The following RALGAPA2 variants were observed in gnomAD, a reference collection of about 807,000 sequenced individuals.
RALGAPA2 encodes the protein Ral GTPase activating protein catalytic subunit alpha 2.
A neutral mutation model predicts 230.4 loss-of-function variants in RALGAPA2; 139 were observed. The observed-to-expected ratio is 0.60, with a 90% CI of 0.53 to 0.69. RALGAPA2 has a LOEUF of 0.69. Ranked by LOEUF, RALGAPA2 falls within the 30% of genes least tolerant of loss-of-function variation. The pLI is 0.00. For missense variants in RALGAPA2, 2,163 were observed against 2,276.0 expected (o/e 0.95, Z 1.01); for synonymous variants, 847 against 837.8 (o/e 1.01, Z -0.19).
intron 24 of RALGAPA2, 112 bp from the exon 25 acceptor site, chr20:20,536,896 GTTA>G (rs2063512873): frequency 8.0e-7 from 1 of 1,247,848 alleles, no homozygotes; most frequent in East Asian, 2.7e-5. Context: ...ACTTGGCCGA[GTTA>G]TTCTCTTCCA....
At chr20:20,463,132 T>C (rs908541559) in intron 37 of RALGAPA2, among the ~76,000 whole-genome samples, 1 of 151,976 alleles carries the variant, frequency 6.6e-6, no homozygotes, top group Admixed American at 6.6e-5. Flanking sequence ...ACCCTGACTT[T>C]TTTTTTTTTT....
chr20:20,536,601 C>T (rs1332156581), intron 25 of RALGAPA2, 55 bp downstream of exon 25: 3 of 1,565,442 alleles, frequency 1.9e-6, no homozygotes, highest in Non-Finnish European at 2.6e-6. Flanking sequence ...GATAATCATA[C>T]ATCTAGAATT....
In RALGAPA2 at chr20:20,411,149, C is replaced by T. The variant is rs76446581; in HGVS notation, c.5617+878G>A. 5.6e-3 allele frequency among the ~76,000 whole-genome samples: 851 copies of T among 152,262 alleles called. 3 individuals carry two copies. Among genetic ancestry groups the T allele is most frequent in the South Asian group, 0.024 (118 of 4,826 alleles). On this transcript the variant is annotated intron_variant, in intron 38 of 39. Coordinates refer to ENST00000202677, the MANE Select transcript of RALGAPA2 (RefSeq NM_020343.4). ...TGACACAGGTTAGAAATCTATTAAG[C>T]ACTCTAACAGTTTCATTTAAAGCAG...
rs80167569 is a variant in RALGAPA2, at chr20:20,468,655, C to G, written c.5495+4174G>C. On this transcript the variant is annotated intron_variant, in intron 37 of 39. Coordinates refer to ENST00000202677, the MANE Select transcript of RALGAPA2 (RefSeq NM_020343.4). ...TCCTGCTTTTCTGTGAAACCATTCT[C>G]TCCTATTCCCGTCTTTCTTTATCTC... Among the ~76,000 whole-genome samples, 546 of 151,384 alleles carry G rather than the reference C, an allele frequency of 3.6e-3. 4 individuals are homozygous for G. The highest frequency in any genetic ancestry group is 0.013 in the African/African-American group (531 of 41,058).
At chr20:20,399,891 G>T (rs145300371) in intron 38 of RALGAPA2, among the ~76,000 whole-genome samples, 54 of 152,366 alleles carry the variant, frequency 3.5e-4, no homozygotes, top group African/African-American at 1.1e-3. Context: ...AAGAAACGCT[G>T]CTGCCTGTCC....
chr20:20,679,919 T>C (rs192770898), intron 2 of RALGAPA2, among the ~76,000 whole-genome samples: 7 of 152,346 alleles, frequency 4.6e-5, no homozygotes, highest in African/African-American at 1.7e-4. Flanking sequence ...ATCTACTTCA[T>C]AGAGCTGTGG....
At chr20:20,619,538 TA>T (rs1387519931) in intron 11 of RALGAPA2, 124 bp from the exon 12 acceptor site, 1 of 782,312 alleles carries the variant, frequency 1.3e-6, no homozygotes. Flanking sequence ...TTTAATTCCT[TA>T]AACTCACCAG....
At chr20:20,538,355 G>A (rs891906983) in intron 24 of RALGAPA2, among the ~76,000 whole-genome samples, 14 of 152,152 alleles carry the variant, frequency 9.2e-5, no homozygotes, top group Admixed American at 6.5e-4. Flanking sequence ...GCAGGCTGGC[G>A]GTGGGTGAGG....
intron 29 of RALGAPA2, 113 bp from the exon 30 acceptor site, chr20:20,524,656 A>T (rs1370333429): frequency 7.2e-7 from 1 of 1,397,874 alleles, no homozygotes; most frequent in South Asian, 1.3e-5. Context: ...CAGGTGCTAG[A>T]TAAGTAGGTA....
At position 20,712,304 on chromosome 20, in the gene RALGAPA2, A is replaced by T; in HGVS notation, c.106+71T>A. The T allele has an allele frequency of 8.9e-7, 1 of 1,125,758 alleles. No individual in the cohort carries two copies. The highest frequency in any genetic ancestry group is 1.2e-6 in the Non-Finnish European group (1 of 832,312). 69.7% of individuals were successfully genotyped at this position (1,125,758 alleles called of 1,614,324 possible). ...CAGCCTCCCAGCCACCGACCCCTGC[A>T]CAGAGGAGCGCCCTCCCGGCAGGTG... On this transcript the variant is annotated intron_variant, in intron 1 of 39. Transcript: ENST00000202677. The surrounding 1 kb of genome is among the most constrained non-coding windows in gnomAD (Gnocchi z 5.5).
intron 23 of RALGAPA2, among the ~76,000 whole-genome samples, chr20:20,554,358 C>T (rs942687161): frequency 1.3e-5 from 2 of 152,132 alleles, no homozygotes; most frequent in African/African-American, 4.8e-5. Flanking sequence ...ATACTTAATT[C>T]CTTCAAATTA....
intron 23 of RALGAPA2, among the ~76,000 whole-genome samples, chr20:20,555,795 T>G (rs969255707): frequency 5.9e-5 from 9 of 152,206 alleles, no homozygotes; most frequent in Non-Finnish European, 1.0e-4. Context: ...GTAGGTTTCT[T>G]TTTTAAGTGT....
At chr20:20,427,973 C>T (rs1316730357) in intron 37 of RALGAPA2, among the ~76,000 whole-genome samples, 1 of 151,998 alleles carries the variant, frequency 6.6e-6, no homozygotes, top group Non-Finnish European at 1.5e-5. Context: ...AGAAGGAATT[C>T]AGGTTAAAAA....
intron 35 of RALGAPA2, among the ~76,000 whole-genome samples, chr20:20,497,377 G>A (rs919860924): frequency 1.3e-5 from 2 of 152,122 alleles, no homozygotes; most frequent in African/African-American, 2.4e-5. Context: ...GAGGAATTGA[G>A]ACCTGCAGAA....
rs536242646 is a variant in RALGAPA2 at position 20,623,842 on chromosome 20, TTTTATTTC to T, written c.1234-3220_1234-3213del. Among the ~76,000 whole-genome samples, 64 of 152,356 alleles carry T rather than the reference TTTTATTTC, an allele frequency of 4.2e-4. No individual in the cohort carries two copies. The South Asian group carries it at 6.2e-3, about 15-fold the overall frequency. Reference sequence around the variant, plus strand: ...TGCATTCGTCATCTATTTTGGTGTCTTTTATTTCTTTATTTCTTTAAATATGTTAAACC... The same window carrying T: ...TGCATTCGTCATCTATTTTGGTGTCTTTTATTTCTTTAAATATGTTAAACC... On this transcript the variant is annotated intron_variant, in intron 10 of 39. Coordinates refer to ENST00000202677, the MANE Select transcript of RALGAPA2 (RefSeq NM_020343.4).
rs1354525974 is a variant in RALGAPA2 at position 20,413,467 on chromosome 20, G to A, written c.5496-1319C>T. Among the ~76,000 whole-genome samples, 3 of 152,162 alleles carry A rather than the reference G, an allele frequency of 2.0e-5. No homozygotes were observed. In the East Asian group the frequency reaches 5.8e-4, roughly 29 times the overall value. ...AGGAGACCAGAGGCATTCTAGGGCT[G>A]TGCTATCCCATACAGTAGCCACAAG... On this transcript the variant is annotated intron_variant, in intron 37 of 39. Transcript: ENST00000202677.
intron 30 of RALGAPA2, among the ~76,000 whole-genome samples, chr20:20,522,681 A>T (rs969503448): frequency 6.6e-6 from 1 of 152,240 alleles, no homozygotes; most frequent in African/African-American, 2.4e-5. Context: ...TTTCACTTAC[A>T]GACTGATGCA....
At chr20:20,576,357 A>G (rs1602897266) in intron 20 of RALGAPA2, among the ~76,000 whole-genome samples, 1 of 152,106 alleles carries the variant, frequency 6.6e-6, no homozygotes, top group Admixed American at 6.6e-5. Flanking sequence ...TCATGTCTCC[A>G]TAGCCTCCTT....
At chr20:20,530,941 T>A (rs1233525587) in intron 27 of RALGAPA2, among the ~76,000 whole-genome samples, 1 of 152,148 alleles carries the variant, frequency 6.6e-6, no homozygotes, top group Non-Finnish European at 1.5e-5. Context: ...TTACCACCAT[T>A]TCCAAGCAGG....
Sources: allele counts gnomAD v4.1 joint callset (sites outside exome capture counted in the v4.1 genomes callset), GRCh38; gene constraint gnomAD v4.1.1; non-coding constraint Gnocchi (gnomAD v3.1); transcripts MANE v1.5; gene names NCBI Gene and HGNC (gene_info 2026-07-23, HGNC 2026-07-21).